ARHGEF18: variants seen among roughly 807,000 people sequenced by gnomAD.
ARHGEF18 encodes the protein Rho/Rac guanine nucleotide exchange factor 18.
In ARHGEF18, 93 loss-of-function variants were observed where a neutral mutation model predicts 155.7. That is an observed-to-expected ratio of 0.60 (90% CI 0.50 to 0.71). The LOEUF (loss-of-function observed/expected upper bound fraction) is 0.71. Among genes scored for constraint, ARHGEF18 ranks in the 30% least tolerant of loss-of-function variants. ARHGEF18 has a pLI of 0.00. For missense variants in ARHGEF18, 1,593 were observed against 1,816.1 expected (o/e 0.88, Z 2.23); for synonymous variants, 742 against 753.1 (o/e 0.99, Z 0.24).
chr19:7,404,193 A>C (rs1280937160), intron 10 of ARHGEF18, among the ~76,000 whole-genome samples: 3 of 152,116 alleles, frequency 2.0e-5, no homozygotes, highest in Non-Finnish European at 4.4e-5. Flanking sequence ...AGTAAGGAGC[A>C]CCTTGCCAGA....
chr19:7,430,873 C>T (rs1224520712), intron 10 of ARHGEF18, among the ~76,000 whole-genome samples: 1 of 151,978 alleles, frequency 6.6e-6, no homozygotes. Context: ...ATATACCAAC[C>T]ATCCTCAACC....
intron 20 of ARHGEF18, among the ~76,000 whole-genome samples, chr19:7,461,442 C>T (rs562552947): frequency 2.6e-5 from 4 of 151,960 alleles, no homozygotes; most frequent in South Asian, 2.1e-4. Context: ...CCCAGCTACT[C>T]GGGAGGCTGA....
chr19:7,472,172 G>A lies in ARHGEF18; in HGVS notation c.*1874G>A, dbSNP rs1209091645. ...TGCTCGGCCACGCGGTGGGAACCCC[G>A]CGTCCCCGCCATGTGGCAGAGGGGT... is the stretch of plus-strand genomic sequence containing the variant. On this transcript the variant is annotated 3_prime_UTR_variant, in exon 29 of 29. Coordinates refer to ENST00000668164, the MANE Select transcript of ARHGEF18 (RefSeq NM_001367823.1). The A allele has an allele frequency of 6.6e-6, 1 of 152,286 alleles. No individual in the cohort carries two copies. The highest frequency in any genetic ancestry group is 6.5e-5 in the Admixed American group (1 of 15,282). 9.4% of individuals were successfully genotyped at this position (152,286 alleles called of 1,614,324 possible). A position where few individuals can be genotyped will look rare whatever the true frequency, so the allele number is the denominator to read the frequency against.
chr19:7,447,233 G>A (rs1975056267), intron 15 of ARHGEF18, 65 bp downstream of exon 15: 2 of 1,471,662 alleles, frequency 1.4e-6, no homozygotes, highest in South Asian at 2.5e-5. Context: ...GCTCACGCCT[G>A]TAATCCCAGC....
intron 10 of ARHGEF18, among the ~76,000 whole-genome samples, chr19:7,397,300 C>T (rs976941345): frequency 6.6e-6 from 1 of 151,886 alleles, no homozygotes; most frequent in Non-Finnish European, 1.5e-5. Context: ...GGGTCTCACT[C>T]TGTTGCCCAG....
intron 10 of ARHGEF18, among the ~76,000 whole-genome samples, chr19:7,406,675 G>T (rs1314353481): frequency 1.3e-5 from 2 of 152,130 alleles, no homozygotes; most frequent in Non-Finnish European, 2.9e-5. Context: ...AGCTCACACT[G>T]TTGCAGTTCT....
intron 5 of ARHGEF18, among the ~76,000 whole-genome samples, chr19:7,377,125 C>T (rs1970496448): frequency 6.6e-6 from 1 of 151,448 alleles, no homozygotes; most frequent in African/African-American, 2.4e-5. Flanking sequence ...GGCTGCAGTG[C>T]AGTGGTGCAA....
intron 10 of ARHGEF18, among the ~76,000 whole-genome samples, chr19:7,406,898 A>G (rs1209862120): frequency 1.3e-5 from 2 of 151,064 alleles, no homozygotes; most frequent in Admixed American, 6.6e-5. Flanking sequence ...ACTAAAAAAA[A>G]ACAAAAAAAA....
At chr19:7,441,306 A>G (rs925801987) in intron 11 of ARHGEF18, among the ~76,000 whole-genome samples, 2 of 151,234 alleles carry the variant, frequency 1.3e-5, no homozygotes, top group African/African-American at 2.4e-5. Flanking sequence ...CAGCCTCCCA[A>G]GTAGCTGGGA....
At chr19:7,394,579 TC>T (rs1286288281) in intron 10 of ARHGEF18, among the ~76,000 whole-genome samples, 1 of 147,260 alleles carries the variant, frequency 6.8e-6, no homozygotes, top group South Asian at 2.2e-4. Flanking sequence ...TCCCTCGGGG[TC>T]CCCCAACTCC....
chr19:7,365,360 G>A (rs1260394775), intron 2 of ARHGEF18, among the ~76,000 whole-genome samples: 2 of 152,162 alleles, frequency 1.3e-5, no homozygotes, highest in Non-Finnish European at 2.9e-5. Flanking sequence ...CCAGGAGGTG[G>A]GGATTGCAGT....
chr19:7,416,605 G>GCTT (rs1973035045), intron 10 of ARHGEF18, among the ~76,000 whole-genome samples: 1 of 90,436 alleles, frequency 1.1e-5, no homozygotes, highest in African/African-American at 4.2e-5. Context: ...TTTTATTTGG[G>GCTT]TTTTTTTTTT....
chr19:7,463,349 C>T lies in ARHGEF18; in HGVS notation c.2636-469C>T, dbSNP rs557549379. On this transcript the variant is annotated intron_variant, in intron 21 of 28. Transcript: ENST00000668164. This position sits in a 1 kb window ranked among gnomAD's most constrained non-coding sequence, Gnocchi z 5.2. ...GAATGTTCTTGTCCCCACCTCTGTGCCTGGCCACAGCCTGTTGGTCCTAGA... is the reference window on the plus strand; with the variant it reads ...GAATGTTCTTGTCCCCACCTCTGTGTCTGGCCACAGCCTGTTGGTCCTAGA... Among the ~76,000 whole-genome samples, 1 of 152,330 alleles carries T rather than the reference C, an allele frequency of 6.6e-6. No homozygotes were observed. Among genetic ancestry groups the T allele is most frequent in the Admixed American group, 6.5e-5 (1 of 15,304 alleles).
chr19:7,458,316 A>G (rs1209997463), intron 18 of ARHGEF18, among the ~76,000 whole-genome samples, 196 bp from the exon 19 acceptor site: 1 of 151,622 alleles, frequency 6.6e-6, no homozygotes, highest in Admixed American at 6.6e-5. Flanking sequence ...AAAAAAAAAA[A>G]AAAAGGTTTC....
At chr19:7,359,434 G>A (rs908407835) in intron 1 of ARHGEF18, among the ~76,000 whole-genome samples, 2 of 152,028 alleles carry the variant, frequency 1.3e-5, no homozygotes, top group African/African-American at 2.4e-5. Context: ...CATCAGGATT[G>A]GAGCTCAGTC....
intron 10 of ARHGEF18, among the ~76,000 whole-genome samples, chr19:7,419,703 T>C (rs9329381): frequency 0.15 from 23,476 of 152,026 alleles, 3,796 homozygotes; most frequent in African/African-American, 0.41. Context: ...CCTGCCGTCT[T>C]GAGCACTGAG....
At chr19:7,396,092 G>A (rs1971692787) in intron 10 of ARHGEF18, among the ~76,000 whole-genome samples, 1 of 152,190 alleles carries the variant, frequency 6.6e-6, no homozygotes, top group African/African-American at 2.4e-5. Flanking sequence ...GGAAAGTGCA[G>A]TATTTGGTTT....
Position 7,395,054 on chromosome 19 carries a change from C to T in ARHGEF18, c.967+11851C>T. 1.0e-6 allele frequency: 1 copy of T among 985,452 alleles called. No individual in the cohort carries two copies. Among genetic ancestry groups the T allele is most frequent in the African/African-American group, 1.7e-5 (1 of 57,362 alleles). The allele number at this position is 985,452 out of a possible 1,614,324, so 61.0% of individuals were successfully genotyped here. ...GCGCCCCGCCCTCGAGGGCACGCCT[C>T]CTTCCGGGTCACGCCCTCTGCCCCG... is the stretch of plus-strand genomic sequence containing the variant. On this transcript the variant is annotated intron_variant, in intron 10 of 28. Transcript: ENST00000668164. This position sits in a 1 kb window ranked among gnomAD's most constrained non-coding sequence, Gnocchi z 5.0.
chr19:7,369,336 C>T (rs191347139), intron 2 of ARHGEF18, among the ~76,000 whole-genome samples: 66 of 152,194 alleles, frequency 4.3e-4, no homozygotes, highest in South Asian at 2.1e-3. Context: ...TGGCACATGC[C>T]TGTAATCCCA....
Sources: gnomAD v4.1 joint callset for allele counts (sites outside exome capture counted in the v4.1 genomes callset) on GRCh38, gnomAD v4.1.1 for gene constraint, Gnocchi (gnomAD v3.1) non-coding constraint, MANE v1.5 for transcripts, NCBI Gene and HGNC (gene_info 2026-07-23, HGNC 2026-07-21) for gene names.